FNDC1: variants seen among roughly 807,000 people sequenced by gnomAD.
FNDC1 encodes the protein fibronectin type III domain containing 1, also known as fibronectin type III domain-containing protein 1.
In FNDC1, 96 loss-of-function variants were observed where a neutral mutation model predicts 168.0. The observed-to-expected ratio is 0.57, with a 90% CI of 0.48 to 0.68. The LOEUF (loss-of-function observed/expected upper bound fraction) is 0.68. Among genes scored for constraint, FNDC1 ranks in the 30% least tolerant of loss-of-function variants. FNDC1 has a pLI of 0.00. For missense variants in FNDC1, 2,587 were observed against 2,482.1 expected (o/e 1.04, Z -0.90); for synonymous variants, 1,099 against 1,025.9 (o/e 1.07, Z -1.36).
intron 14 of FNDC1, among the ~76,000 whole-genome samples, chr6:159,245,328 A>T (rs187102353): frequency 1.3e-5 from 2 of 152,348 alleles, no homozygotes; most frequent in Admixed American, 6.5e-5. Flanking sequence ...ATATATACAT[A>T]AAAGTGGCTG....
chr6:159,238,530 C>A, intron 12 of FNDC1, 24 bp from the exon 13 acceptor site: 1 of 1,524,166 alleles, frequency 6.6e-7, no homozygotes, highest in Middle Eastern at 1.7e-4. Flanking sequence ...CCAATATATT[C>A]TTTAATCTAT....
rs1783301191 is a variant in FNDC1, at chr6:159,237,909, T to A, written c.4069-645T>A. ...ATTGTCTGCATAATATTCTACCACA[T>A]GGATGGGCCACAAATTATTTAATCT... On this transcript the variant is annotated intron_variant, in intron 12 of 22. Transcript: ENST00000297267. Among the ~76,000 whole-genome samples the A allele has an allele frequency of 2.0e-5, 3 of 152,238 alleles. No individual in the cohort carries two copies. The South Asian group carries it at 6.2e-4, about 31-fold the overall frequency.
intron 17 of FNDC1, among the ~76,000 whole-genome samples, chr6:159,252,474 G>A (rs938991245): frequency 5.9e-5 from 9 of 152,200 alleles, no homozygotes; most frequent in Admixed American, 2.0e-4. Flanking sequence ...GTACAGCAGC[G>A]CAAAAGCTAG....
rs765463881 is a variant in FNDC1, at chr6:159,271,402, G to A, written c.5645G>A (p.Gly1882Asp). The change falls in exon 23 of 23, where the codon GGC (glycine) becomes GAC (aspartate). Residue 1882 changes from glycine (G) to aspartate (D), a missense_variant. Gly to Asp is a moderately conservative substitution (Grantham distance 94). Transcript: ENST00000297267. ...IGFGTPYYYV[G>D]WYECGVSIPG... ...TTCGGAACCCCCTACTACTATGTGG[G>A]CTGGTACGAGTGTGGGGTCTCCATC... 6 of 1,612,198 alleles carry A rather than the reference G, an allele frequency of 3.7e-6. No homozygotes were observed. Among genetic ancestry groups the A allele is most frequent in the Non-Finnish European group, 5.1e-6 (6 of 1,179,242 alleles).
intron 4 of FNDC1, among the ~76,000 whole-genome samples, chr6:159,210,232 T>C (rs1380716256): frequency 6.6e-6 from 1 of 152,232 alleles, no homozygotes; most frequent in Non-Finnish European, 1.5e-5. Context: ...ACATGGCTAC[T>C]GGTGACACCA....
intron 4 of FNDC1, among the ~76,000 whole-genome samples, chr6:159,201,514 A>T (rs1243245393): frequency 6.6e-6 from 1 of 152,218 alleles, no homozygotes; most frequent in Non-Finnish European, 1.5e-5. Context: ...TGATTTGAGA[A>T]GAGAGAATGG....
chr6:159,259,017 C>A (rs1777427133), intron 18 of FNDC1, among the ~76,000 whole-genome samples: 2 of 152,194 alleles, frequency 1.3e-5, no homozygotes, highest in Admixed American at 6.5e-5. Flanking sequence ...AGTCACCAGA[C>A]AGAGTCCCAA....
intron 4 of FNDC1, among the ~76,000 whole-genome samples, chr6:159,201,054 T>A (rs1180482466): frequency 6.6e-6 from 1 of 152,278 alleles, no homozygotes; most frequent in Non-Finnish European, 1.5e-5. Flanking sequence ...TCCATATTTG[T>A]GTATCTGTTT....
intron 14 of FNDC1, among the ~76,000 whole-genome samples, chr6:159,241,557 A>C (rs1395081432): frequency 3.3e-5 from 5 of 152,240 alleles, no homozygotes; most frequent in Admixed American, 2.6e-4. Context: ...GAAAATAAGT[A>C]CAAATCAATA....
chr6:159,196,755 T>G (rs1013162321), intron 1 of FNDC1, among the ~76,000 whole-genome samples: 2 of 152,222 alleles, frequency 1.3e-5, no homozygotes, highest in African/African-American at 4.8e-5. Context: ...TATGTTTCAC[T>G]TTAGTAATTT....
intron 9 of FNDC1, among the ~76,000 whole-genome samples, chr6:159,229,124 T>C (rs1439076340): frequency 6.9e-6 from 1 of 144,106 alleles, no homozygotes; most frequent in African/African-American, 2.8e-5. Flanking sequence ...CATATTTTAG[T>C]TCCTTGAACT....
intron 18 of FNDC1, among the ~76,000 whole-genome samples, chr6:159,259,799 C>T (rs1182830529): frequency 1.3e-5 from 2 of 152,176 alleles, no homozygotes; most frequent in African/African-American, 4.8e-5. Flanking sequence ...ATTTAAATTA[C>T]AATAAAAAGA....
intron 18 of FNDC1, among the ~76,000 whole-genome samples, chr6:159,258,787 A>T (rs1025922579): frequency 2.6e-5 from 4 of 152,142 alleles, no homozygotes; most frequent in Non-Finnish European, 5.9e-5. Context: ...ATGTAAGGAC[A>T]CTCATTTTCC....
intron 22 of FNDC1, among the ~76,000 whole-genome samples, chr6:159,270,685 G>C (rs1021795722): frequency 5.9e-5 from 9 of 152,180 alleles, no homozygotes; most frequent in Admixed American, 2.0e-4. Context: ...AGGGAGAAAT[G>C]GTCAGAAATG....
At chr6:159,234,914 T>C (rs1223971601) in intron 11 of FNDC1, among the ~76,000 whole-genome samples, 3 of 152,236 alleles carry the variant, frequency 2.0e-5, no homozygotes, top group African/African-American at 4.8e-5. Context: ...AGTGCCGCCA[T>C]GTGTTTAAGG....
intron 22 of FNDC1, among the ~76,000 whole-genome samples, chr6:159,269,525 TCC>T (rs1583930568): frequency 2.0e-4 from 30 of 147,906 alleles, no homozygotes; most frequent in East Asian, 9.8e-4. Flanking sequence ...CATCCATCCA[TCC>T]ATCCATCCAT....
intron 1 of FNDC1, among the ~76,000 whole-genome samples, chr6:159,170,790 C>T (rs1781637830): frequency 6.6e-6 from 1 of 152,178 alleles, no homozygotes; most frequent in Non-Finnish European, 1.5e-5. Flanking sequence ...GCCAATGCCA[C>T]TTTCTCATAA....
At position 159,236,235 on chromosome 6, in the gene FNDC1, G is replaced by A; in HGVS notation, c.3988G>A (p.Val1330Ile). The change falls in exon 12 of 23, where the codon GTA (valine) becomes ATA (isoleucine). Residue 1330 changes from valine to isoleucine, a missense_variant. By Grantham distance (29) the Val-to-Ile change is conservative. Transcript: ENST00000297267. ...YRQGYNGRPN[V>I]EGKVLPGSNG... ...TGTAGGTTATAATGGCAGACCAAAT[G>A]TAGAAGGGAAAGTCCTTCCTGGTAG... 6.2e-7 allele frequency: 1 copy of A among 1,613,518 alleles called. No homozygotes were observed. The highest frequency in any genetic ancestry group is 8.5e-7 in the Non-Finnish European group (1 of 1,179,556).
Position 159,226,536 on chromosome 6 carries a change from C to T in FNDC1, c.1136C>T (p.Ala379Val). ...GTCAATGGCAAACCTACAGTTGTCG[C>T]TGCATCTTGGGATGCGCTACCAGAG... ...WPVNGKPTVV[A>V]ASWDALPETE... Residue 379 changes from alanine to valine, a missense_variant, in exon 9 of 23, where the codon GCT becomes GTT. Ala to Val is a moderately conservative substitution (Grantham distance 64). Coordinates refer to ENST00000297267, the MANE Select transcript of FNDC1 (RefSeq NM_032532.3). 1 of 1,611,096 alleles carries T rather than the reference C, an allele frequency of 6.2e-7. No homozygotes were observed. Among genetic ancestry groups the T allele is most frequent in the Non-Finnish European group, 8.5e-7 (1 of 1,178,698 alleles).
Sources: gnomAD v4.1 joint callset for allele counts (sites outside exome capture counted in the v4.1 genomes callset) on GRCh38, gnomAD v4.1.1 for gene constraint, MANE v1.5 for transcripts, NCBI Gene and HGNC (gene_info 2026-07-23, HGNC 2026-07-21) for gene names.